The following ASH1L variants were observed in gnomAD, a reference collection of about 807,000 sequenced individuals.
ASH1L encodes ASH1 like histone lysine methyltransferase, also known as histone-lysine N-methyltransferase ASH1L.
Under a neutral mutation model 269.0 loss-of-function variants are expected in ASH1L, and 23 were observed. That is an observed-to-expected ratio of 0.09 (90% confidence interval 0.06 to 0.12). ASH1L has a LOEUF of 0.12. ASH1L is among the 10% of genes least tolerant of loss of function. The probability of loss-of-function intolerance (pLI) is 1.00; values close to 1 mark genes in which losing one functional copy is unlikely to be tolerated. For synonymous variants in ASH1L, 1,187 were observed against 1,253.5 expected (o/e 0.95, Z 1.12); for missense variants, 2,912 against 3,567.8 (o/e 0.82, Z 4.68).
intron 4 of ASH1L, among the ~76,000 whole-genome samples, chr1:155,459,171 T>C (rs1026761599): frequency 2.0e-5 from 3 of 152,082 alleles, no homozygotes; most frequent in Non-Finnish European, 4.4e-5. Flanking sequence ...TTCTGAATGC[T>C]ACTTTGGAAA....
rs990735417 is a variant in ASH1L at position 155,363,829 on chromosome 1, C to T, written c.6687-3420G>A. On this transcript the variant is annotated intron_variant, in intron 12 of 27. Coordinates refer to ENST00000392403, the MANE Select transcript of ASH1L (RefSeq NM_018489.3). ...CTCTACTAAAAATATAAAAATTAGC[C>T]GGGTGTAGGGACGCATGCCTTTAGT... Among the ~76,000 whole-genome samples, 44 of 151,044 alleles carry T rather than the reference C, an allele frequency of 2.9e-4. No individual in the cohort carries two copies. In the East Asian group the frequency reaches 6.1e-3, roughly 21 times the overall value.
At chr1:155,533,519 A>G (rs924272175) in intron 1 of ASH1L, among the ~76,000 whole-genome samples, 7 of 151,316 alleles carry the variant, frequency 4.6e-5, no homozygotes, top group Non-Finnish European at 8.8e-5. Context: ...TGAGACCAGC[A>G]TGGCCAATAT....
intron 13 of ASH1L, among the ~76,000 whole-genome samples, 173 bp from the exon 14 acceptor site, chr1:155,357,922 C>T (rs1654558000): frequency 6.6e-6 from 1 of 152,042 alleles, no homozygotes; most frequent in Non-Finnish European, 1.5e-5. Flanking sequence ...AGGTGCGTGC[C>T]ACTATGCCAG....
At chr1:155,411,578 AATAAATAAAT>A (rs1167687459) in intron 6 of ASH1L, among the ~76,000 whole-genome samples, 15 of 21,124 alleles carry the variant, frequency 7.1e-4, no homozygotes, top group African/African-American at 1.9e-3. Context: ...AATATAAATA[AATAAATAAAT>A]ATATATATAT....
At chr1:155,517,468 A>G (rs1304061828) in intron 2 of ASH1L, among the ~76,000 whole-genome samples, 1 of 151,996 alleles carries the variant, frequency 6.6e-6, no homozygotes, top group Non-Finnish European at 1.5e-5. Flanking sequence ...GTCTCTACTA[A>G]AAGTACAAAA....
At chr1:155,411,485 C>T (rs1021847190) in intron 6 of ASH1L, among the ~76,000 whole-genome samples, 2 of 147,628 alleles carry the variant, frequency 1.4e-5, no homozygotes, top group Admixed American at 6.9e-5. Context: ...TCAGAATCTT[C>T]CATTTTTAAA....
At position 155,347,744 on chromosome 1, in the gene ASH1L, T is replaced by C; in HGVS notation, c.7715A>G (p.Asn2572Ser). ...AACATCGTCGTCCTTCTCATGCCCATTCTCCTTTTCAGAGACTGAGGTCTC... is the reference window on the plus strand; with the variant it reads ...AACATCGTCGTCCTTCTCATGCCCACTCTCCTTTTCAGAGACTGAGGTCTC... ...SSETSVSEKE[N>S]GHEKDDDVIR... The change falls in exon 20 of 28, where the codon AAT (asparagine) becomes AGT (serine). Residue 2572 changes from asparagine (N) to serine (S), a missense_variant. By Grantham distance (46) the Asn-to-Ser change is conservative. Transcript: ENST00000392403. 1 of 1,614,196 alleles carries C rather than the reference T, an allele frequency of 6.2e-7. No homozygotes were observed. Among genetic ancestry groups the C allele is most frequent in the Non-Finnish European group, 8.5e-7 (1 of 1,180,038 alleles).
intron 1 of ASH1L, among the ~76,000 whole-genome samples, chr1:155,560,094 T>A (rs1671859693): frequency 6.6e-6 from 1 of 152,166 alleles, no homozygotes; most frequent in African/African-American, 2.4e-5. Context: ...TACCATAGAC[T>A]CTTTCATCTT....
chr1:155,388,503 T>G (rs1657627497), intron 7 of ASH1L, among the ~76,000 whole-genome samples: 1 of 152,072 alleles, frequency 6.6e-6, no homozygotes, highest in Non-Finnish European at 1.5e-5. Flanking sequence ...GTTTTCATTA[T>G]GTTGTCCAGG....
chr1:155,342,085 T>C lies in ASH1L; in HGVS notation c.8311A>G (p.Lys2771Glu). The change falls in exon 25 of 28, where the codon AAG (lysine) becomes GAG (glutamate). Residue 2771 changes from lysine to glutamate, a missense_variant. Physicochemically the swap from Lys to Glu is moderately conservative, Grantham distance 56. Around this residue, in one of 13 missense-constraint regions of ASH1L, gnomAD observed 179 missense variants for 293.8 expected, o/e 0.61. Coordinates refer to ENST00000392403, the MANE Select transcript of ASH1L (RefSeq NM_018489.3). ...TCACAGATGTACACATCTTGCTCCTTTACTCCTTTGGGTCTCCCTATGGGT... is the reference window on the plus strand; with the variant it reads ...TCACAGATGTACACATCTTGCTCCTCTACTCCTTTGGGTCTCCCTATGGGT... ...TYCKGRPKGV[K>E]EQDVYICDYR... The C allele has an allele frequency of 1.2e-6, 2 of 1,614,192 alleles. No individual in the cohort carries two copies. Among genetic ancestry groups the C allele is most frequent in the Admixed American group, 1.7e-5 (1 of 60,022 alleles).
chr1:155,434,944 G>T (rs991849982), intron 5 of ASH1L, among the ~76,000 whole-genome samples: 2 of 152,138 alleles, frequency 1.3e-5, no homozygotes, highest in African/African-American at 4.8e-5. Context: ...GATCACTTGA[G>T]GTCAGGAGTT....
chr1:155,488,668 C>CAAAAAAAAAAAAAAAAAA (rs371829476), intron 2 of ASH1L, among the ~76,000 whole-genome samples: 2 of 29,196 alleles, frequency 6.9e-5, no homozygotes, highest in African/African-American at 1.2e-4. Context: ...GACTCTGTCA[C>CAAAAAAAAAAAAAAAAAA]AAAAAAAAAA....
chr1:155,544,156 G>A (rs572992239), intron 1 of ASH1L, among the ~76,000 whole-genome samples: 36 of 151,478 alleles, frequency 2.4e-4, no homozygotes, highest in Non-Finnish European at 4.3e-4. Context: ...CTCCCACCTC[G>A]GCCTCCCAAA....
intron 20 of ASH1L, 51 bp downstream of exon 20, chr1:155,347,605 G>C: frequency 6.2e-7 from 1 of 1,604,506 alleles, no homozygotes; most frequent in Non-Finnish European, 8.5e-7. Flanking sequence ...CTTTGAATAT[G>C]GTCACCGTGT....
At chr1:155,524,307 G>T (rs1184910738) in intron 1 of ASH1L, among the ~76,000 whole-genome samples, 1 of 151,244 alleles carries the variant, frequency 6.6e-6, no homozygotes, top group Non-Finnish European at 1.5e-5. Flanking sequence ...GGATCAGGAG[G>T]TCAGGAGATC....
At chr1:155,519,869 C>T (rs1006404154) in intron 2 of ASH1L, among the ~76,000 whole-genome samples, 2 of 151,812 alleles carry the variant, frequency 1.3e-5, no homozygotes, top group Non-Finnish European at 2.9e-5. Flanking sequence ...ATGTTGGCCA[C>T]GCTGCTCTCA....
chr1:155,485,246 A>C (rs572391195), intron 2 of ASH1L, among the ~76,000 whole-genome samples: 2 of 95,418 alleles, frequency 2.1e-5, no homozygotes, highest in South Asian at 8.6e-4. Flanking sequence ...AAAGAGCGAG[A>C]TTCCGTCTCA....
intron 1 of ASH1L, among the ~76,000 whole-genome samples, chr1:155,528,307 T>G (rs1258581685): frequency 6.6e-6 from 1 of 152,218 alleles, no homozygotes; most frequent in Non-Finnish European, 1.5e-5. Flanking sequence ...AAACCCCTCA[T>G]GTCCATTTGG....
chr1:155,391,127 G>T (rs897876560), intron 7 of ASH1L, among the ~76,000 whole-genome samples: 79 of 151,968 alleles, frequency 5.2e-4, no homozygotes, highest in African/African-American at 1.9e-3. Context: ...TGTATTTTTG[G>T]CAGAGATGGG....
Sources: gnomAD v4.1 joint callset for allele counts (sites outside exome capture counted in the v4.1 genomes callset) on GRCh38, gnomAD v4.1.1 for gene constraint, gnomAD v4.1.1 regional missense constraint, MANE v1.5 for transcripts, NCBI Gene and HGNC (gene_info 2026-07-23, HGNC 2026-07-21) for gene names.